The following THSD7B variants were observed in gnomAD, a reference collection of about 807,000 sequenced individuals.
The protein encoded by THSD7B is thrombospondin type-1 domain-containing protein 7B.
In THSD7B, 138 loss-of-function variants were observed where a neutral mutation model predicts 213.6. The ratio of observed to expected loss-of-function variants is 0.65; its 90% confidence interval spans 0.56 to 0.74. THSD7B has a LOEUF of 0.74. Ranked by LOEUF, THSD7B falls within the 30% of genes least tolerant of loss-of-function variation. The pLI, the probability that THSD7B is intolerant of heterozygous loss-of-function variation, is 0.00. For synonymous variants in THSD7B, 742 were observed against 687.0 expected (o/e 1.08, Z -1.25); for missense variants, 1,931 against 1,991.5 (o/e 0.97, Z 0.58).
At chr2:136,932,572 A>G (rs2105049407) in intron 2 of THSD7B, among the ~76,000 whole-genome samples, 1 of 152,334 alleles carries the variant, frequency 6.6e-6, no homozygotes, top group South Asian at 2.1e-4. Context: ...TATTCTTACA[A>G]TTAAGTAAGC....
At chr2:136,882,024 C>A in intron 1 of THSD7B, 120 bp from the exon 2 acceptor site, 1 of 623,790 alleles carries the variant, frequency 1.6e-6, no homozygotes, top group Non-Finnish European at 2.4e-6. Flanking sequence ...ATTATATGTA[C>A]TATCTTCATG....
At chr2:137,638,637 TG>T (rs1160267003) in intron 20 of THSD7B, among the ~76,000 whole-genome samples, 1 of 151,980 alleles carries the variant, frequency 6.6e-6, no homozygotes, top group Non-Finnish European at 1.5e-5. Flanking sequence ...GACAAGAAAA[TG>T]TGGGGAAGTG....
chr2:137,285,935 C>A (rs1014443684), intron 12 of THSD7B, among the ~76,000 whole-genome samples: 2 of 151,790 alleles, frequency 1.3e-5, no homozygotes, highest in Non-Finnish European at 2.9e-5. Context: ...GAAACCCCAT[C>A]TCTACTAAAA....
chr2:137,059,264 T>A (rs1687226274), intron 3 of THSD7B, among the ~76,000 whole-genome samples: 1 of 152,132 alleles, frequency 6.6e-6, no homozygotes, highest in Admixed American at 6.6e-5. Context: ...ACATTAGAAA[T>A]TTCCCATATT....
chr2:136,864,637 C>G (rs1182095573), intron 1 of THSD7B, among the ~76,000 whole-genome samples: 4 of 152,038 alleles, frequency 2.6e-5, no homozygotes, highest in South Asian at 2.1e-4. Context: ...ACTGCAAGCT[C>G]CACCTCCCAG....
At chr2:136,894,161 T>C (rs1200041482) in intron 2 of THSD7B, among the ~76,000 whole-genome samples, 1 of 152,242 alleles carries the variant, frequency 6.6e-6, no homozygotes, top group Non-Finnish European at 1.5e-5. Context: ...TTGCCTTTTG[T>C]AGCTTTTCCC....
At chr2:137,305,050 T>C (rs1221180415) in intron 12 of THSD7B, among the ~76,000 whole-genome samples, 1 of 152,114 alleles carries the variant, frequency 6.6e-6, no homozygotes, top group Non-Finnish European at 1.5e-5. Context: ...CTTGGATTTA[T>C]ATTTAATTTT....
intron 15 of THSD7B, among the ~76,000 whole-genome samples, chr2:137,490,438 T>TAAA (rs1688579494): frequency 6.6e-6 from 1 of 152,204 alleles, no homozygotes; most frequent in Admixed American, 6.5e-5. Flanking sequence ...AGTTACTTTT[T>TAAA]TCTTTTTTTA....
At chr2:136,782,013 A>G (rs1206826872) in intron 1 of THSD7B, among the ~76,000 whole-genome samples, 4 of 152,254 alleles carry the variant, frequency 2.6e-5, no homozygotes, top group Non-Finnish European at 5.9e-5. Flanking sequence ...AAAAACTTCC[A>G]TAGTGACACG....
At chr2:137,391,802 CT>C (rs1686034522) in intron 12 of THSD7B, among the ~76,000 whole-genome samples, 1 of 150,824 alleles carries the variant, frequency 6.6e-6, no homozygotes. Context: ...TTGGTTTATT[CT>C]TGCTTTTCTA....
chr2:137,064,130 A>G (rs1687332061), intron 3 of THSD7B, among the ~76,000 whole-genome samples: 1 of 152,034 alleles, frequency 6.6e-6, no homozygotes, highest in Non-Finnish European at 1.5e-5. Context: ...CCAACAGTGT[A>G]CAGTGATTCC....
chr2:137,060,882 A>G (rs1476095443), intron 3 of THSD7B, among the ~76,000 whole-genome samples: 1 of 151,878 alleles, frequency 6.6e-6, no homozygotes, highest in African/African-American at 2.4e-5. Flanking sequence ...TGATATCCAC[A>G]AAATAACTTC....
At chr2:137,203,153 AAATTGAG>A (rs1390200121) in intron 7 of THSD7B, among the ~76,000 whole-genome samples, 1 of 152,120 alleles carries the variant, frequency 6.6e-6, no homozygotes, top group Admixed American at 6.6e-5. Context: ...TAAAATTTTT[AAATTGAG>A]AATTCTCTCA....
At chr2:137,623,717 C>G (rs1452106740) in intron 20 of THSD7B, among the ~76,000 whole-genome samples, 17 of 152,154 alleles carry the variant, frequency 1.1e-4, no homozygotes, top group Non-Finnish European at 2.5e-4. Context: ...CATGAGTGAA[C>G]TCCCATTCAC....
intron 14 of THSD7B, among the ~76,000 whole-genome samples, chr2:137,412,906 T>A (rs1686701664): frequency 6.6e-6 from 1 of 150,780 alleles, no homozygotes; most frequent in Non-Finnish European, 1.5e-5. Flanking sequence ...TTTTTTTTTT[T>A]ACTAGTTTTT....
chr2:136,985,531 T>A (rs1003397287), intron 2 of THSD7B, among the ~76,000 whole-genome samples: 2 of 152,172 alleles, frequency 1.3e-5, no homozygotes, highest in African/African-American at 4.8e-5. Context: ...AGGAGAGAAG[T>A]GGGGCTTGGC....
chr2:137,463,203 T>C lies in THSD7B; in HGVS notation c.3138+12180T>C, dbSNP rs541390651. On this transcript the variant is annotated intron_variant, in intron 15 of 27. Transcript: ENST00000409968. ...ACAAATCTAGAGACAGCAAGGACCATGTAGCGTAAGCCAGGGGGCAACTAC... is the reference window on the plus strand; with the variant it reads ...ACAAATCTAGAGACAGCAAGGACCACGTAGCGTAAGCCAGGGGGCAACTAC... Among the ~76,000 whole-genome samples, 13 of 152,286 alleles carry C rather than the reference T, an allele frequency of 8.5e-5. 1 individual carries two copies. Among genetic ancestry groups the C allele is most frequent in the Admixed American group, 7.2e-4 (11 of 15,286 alleles).
chr2:136,981,350 G>A (rs967816661), intron 2 of THSD7B, among the ~76,000 whole-genome samples: 2 of 152,042 alleles, frequency 1.3e-5, no homozygotes, highest in African/African-American at 2.4e-5. Context: ...AAAAGATATC[G>A]GTGCTATATA....
At chr2:137,311,662 T>C (rs1218038397) in intron 12 of THSD7B, among the ~76,000 whole-genome samples, 2 of 152,046 alleles carry the variant, frequency 1.3e-5, no homozygotes, top group Non-Finnish European at 2.9e-5. Context: ...TAGCTCTTAT[T>C]ATTTTGAGAT....
Sources: gnomAD v4.1 joint callset for allele counts (sites outside exome capture counted in the v4.1 genomes callset) on GRCh38, gnomAD v4.1.1 for gene constraint, MANE v1.5 for transcripts, NCBI Gene and HGNC (gene_info 2026-07-23, HGNC 2026-07-21) for gene names.